Variants in PLAAT1 observed in about 807,000 individuals in gnomAD.
The protein encoded by PLAAT1 is H-REV107 protein-related protein.
A neutral mutation model predicts 16.4 loss-of-function variants in PLAAT1; 13 were observed. That is an observed-to-expected ratio of 0.79 (90% CI 0.52 to 1.26). PLAAT1 has a LOEUF of 1.26. PLAAT1 is among the 50% of genes most tolerant of loss of function. The pLI is 0.00. For synonymous variants in PLAAT1, 73 were observed against 78.4 expected, an observed-to-expected ratio of 0.93 and a Z score of 0.36; for missense variants, 218 against 207.8, an observed-to-expected ratio of 1.05 and a Z score of -0.30.
intron 1 of PLAAT1, among the ~76,000 whole-genome samples, chr3:193,247,846 T>C (rs1580280): frequency 0.45 from 68,644 of 151,970 alleles, 15,988 homozygotes; most frequent in Admixed American, 0.53. Context: ...TTGTGATATA[T>C]CATATGATCT....
At chr3:193,263,272 A>G (rs1327392370) in intron 3 of PLAAT1, 37 bp downstream of exon 3, 1 of 1,590,916 alleles carries the variant, frequency 6.3e-7, no homozygotes. Flanking sequence ...ACATTGAGAA[A>G]AGAATAACTA....
chr3:193,261,479 A>C (rs1272488365), intron 2 of PLAAT1, among the ~76,000 whole-genome samples: 1 of 152,206 alleles, frequency 6.6e-6, no homozygotes, highest in African/African-American at 2.4e-5. Context: ...GGAACTTCTG[A>C]GACTTTTTAA....
intron 3 of PLAAT1, among the ~76,000 whole-genome samples, chr3:193,267,124 C>T (rs1046313672): frequency 1.3e-5 from 2 of 152,132 alleles, no homozygotes; most frequent in Non-Finnish European, 2.9e-5. Flanking sequence ...TCCTCCTTCC[C>T]CACCCAGTAT....
rs141369962 is a variant in PLAAT1 at position 193,263,096 on chromosome 3, C to T, written c.266C>T (p.Thr89Met). 1.1e-4 allele frequency: 181 copies of T among 1,614,142 alleles called. No homozygotes were observed. The East Asian group carries it at 3.1e-3, about 28-fold the overall frequency. The change falls in exon 3 of 4, where the codon ACG becomes ATG. Residue 89 changes from threonine to methionine, a missense_variant. By Grantham distance (81) the Thr-to-Met change is moderately conservative. Coordinates refer to ENST00000264735, the MANE Select transcript of PLAAT1 (RefSeq NM_020386.5). Reference sequence around the variant, plus strand: ...AGAATAAACAATAAATACGATGAAACGTACCCCCCTCTCCCTGTGGAAGAA... The same window carrying T: ...AGAATAAACAATAAATACGATGAAATGTACCCCCCTCTCCCTGTGGAAGAA... Reference protein sequence around the residue: ...TYRINNKYDETYPPLPVEEII... With the variant: ...TYRINNKYDEMYPPLPVEEII...
chr3:193,241,540 T>C lies in PLAAT1; in HGVS notation c.-1+7T>C. ...ACCCCGGCTTGAGAGTGAGGTGTGC[T>C]GGGCGGAGTGGGGGAGGACCTCGAG... is the stretch of plus-strand genomic sequence containing the variant. On this transcript the variant is annotated splice_region_variant and intron_variant, in intron 1 of 3. Transcript: ENST00000264735. 1.6e-6 allele frequency: 2 copies of C among 1,231,966 alleles called. No individual in the cohort carries two copies. Among genetic ancestry groups the C allele is most frequent in the Non-Finnish European group, 2.0e-6 (2 of 988,182 alleles). The allele number at this position is 1,231,966 out of a possible 1,614,324, so 76.3% of individuals were successfully genotyped here.
At chr3:193,269,952 G>A (rs1434900995) in intron 3 of PLAAT1, among the ~76,000 whole-genome samples, 1 of 152,116 alleles carries the variant, frequency 6.6e-6, no homozygotes, top group African/African-American at 2.4e-5. Flanking sequence ...GTTAACATCA[G>A]TATTGGCTTT....
intron 1 of PLAAT1, among the ~76,000 whole-genome samples, chr3:193,248,950 T>A (rs1716084604): frequency 6.6e-6 from 1 of 152,190 alleles, no homozygotes; most frequent in South Asian, 2.1e-4. Context: ...TTTCCTTCAA[T>A]GTGAAGTGCC....
chr3:193,262,315 T>G lies in PLAAT1; in HGVS notation c.140-655T>G, dbSNP rs1249628902. ...GTCTGGTAGACAGTGCCTACCAAGT[T>G]AGCTTCAGGCTCAGGACTTAGGGGG... On this transcript the variant is annotated intron_variant, in intron 2 of 3. Coordinates refer to ENST00000264735, the MANE Select transcript of PLAAT1 (RefSeq NM_020386.5). Among the ~76,000 whole-genome samples, 13 of 149,990 alleles carry G rather than the reference T, an allele frequency of 8.7e-5. 1 individual carries two copies. In the South Asian group the frequency reaches 2.7e-3, roughly 32 times the overall value.
chr3:193,240,654 C>CGCGTGTGTGTGTGTGTGTGT (rs1553803498), upstream of PLAAT1, among the ~76,000 whole-genome samples: 6 of 88,502 alleles, frequency 6.8e-5, no homozygotes, highest in African/African-American at 2.9e-4. Flanking sequence ...GGCTATCTGG[C>CGCGTGTGTGTGTGTGTGTGT]GTGTGTGTGT....
At chr3:193,262,880 G>C in intron 2 of PLAAT1, 90 bp from the exon 3 acceptor site, 2 of 1,314,860 alleles carry the variant, frequency 1.5e-6, no homozygotes, top group Non-Finnish European at 2.1e-6. Context: ...GCTAGGTTTA[G>C]ACATGCCAGC....
At chr3:193,241,147 T>C, upstream of PLAAT1, 2 of 1,136,000 alleles carry the variant, frequency 1.8e-6, no homozygotes, top group African/African-American at 1.6e-5. Context: ...CGGGCGAAGC[T>C]GGGCTCGGGG....
At chr3:193,268,215 A>C (rs575767719) in intron 3 of PLAAT1, among the ~76,000 whole-genome samples, 1 of 152,160 alleles carries the variant, frequency 6.6e-6, no homozygotes, top group Non-Finnish European at 1.5e-5. Context: ...TATCTTTGTC[A>C]AAGATGGCCC....
intron 2 of PLAAT1, among the ~76,000 whole-genome samples, chr3:193,262,259 C>T (rs189119135): frequency 5.1e-4 from 77 of 151,314 alleles, no homozygotes; most frequent in Non-Finnish European, 5.3e-4. Flanking sequence ...GGGGCATTGT[C>T]GTAAGTGGGT....
intron 2 of PLAAT1, among the ~76,000 whole-genome samples, chr3:193,256,803 G>A (rs1320154): frequency 0.9 from 137,485 of 152,234 alleles, 62,302 homozygotes; most frequent in East Asian, 0.98. Flanking sequence ...GCATTTCTGT[G>A]TAAGGATATT....
At position 193,245,640 on chromosome 3, in the gene PLAAT1, A is replaced by G. The variant is rs549425903; in HGVS notation, c.-1+4107A>G. 5.3e-4 allele frequency among the ~76,000 whole-genome samples: 80 copies of G among 152,308 alleles called. No individual in the cohort carries two copies. The South Asian group carries it at 0.016, about 31-fold the overall frequency. On this transcript the variant is annotated intron_variant, in intron 1 of 3. Transcript: ENST00000264735. ...ACTATTTTCCAAAATGGCTAAACCA[A>G]TTTGCATTCCCACCAACGATATACA...
downstream of PLAAT1, chr3:193,279,293 G>T: frequency 8.4e-7 from 1 of 1,194,052 alleles, no homozygotes; most frequent in Non-Finnish European, 1.2e-6. Context: ...AGTAATAATT[G>T]ACTTGTGAAT....
intron 2 of PLAAT1, among the ~76,000 whole-genome samples, chr3:193,277,429 C>T (rs1160135160): frequency 2.0e-5 from 3 of 152,146 alleles, no homozygotes; most frequent in African/African-American, 7.2e-5. Context: ...CCCACGGCTG[C>T]ATCCATAGCA....
intron 2 of PLAAT1, chr3:193,276,944 C>T: frequency 1.3e-6 from 1 of 772,042 alleles, no homozygotes; most frequent in Non-Finnish European, 2.1e-6. Flanking sequence ...TAGTGGTGGG[C>T]ATTACTTTGT....
At chr3:193,276,969 T>TA (rs1717246893) in intron 2 of PLAAT1, 12 of 631,178 alleles carry the variant, frequency 1.9e-5, no homozygotes, top group Non-Finnish European at 2.7e-5. Context: ...TTACAGATAA[T>TA]ACAACTGAAG....
Sources: gnomAD v4.1 joint callset for allele counts (sites outside exome capture counted in the v4.1 genomes callset) on GRCh38, gnomAD v4.1.1 for gene constraint, MANE v1.5 for transcripts, NCBI Gene and HGNC (gene_info 2026-07-23, HGNC 2026-07-21) for gene names.